The following MAP7 variants were observed in gnomAD, a reference collection of about 807,000 sequenced individuals.
MAP7 encodes ensconsin.
Under a neutral mutation model 94.8 loss-of-function variants are expected in MAP7, and 52 were observed. That is an observed-to-expected ratio of 0.55 (90% CI 0.44 to 0.69). The LOEUF is 0.69. Ranked by LOEUF, MAP7 falls within the 30% of genes least tolerant of loss-of-function variation. The probability of loss-of-function intolerance (pLI) is 0.00; values close to 1 mark genes in which losing one functional copy is unlikely to be tolerated. For missense variants in MAP7, 940 were observed against 964.6 expected, an observed-to-expected ratio of 0.97 and a Z score of 0.34; for synonymous variants, 350 against 357.0, an observed-to-expected ratio of 0.98 and a Z score of 0.22.
At chr6:136,349,721 C>T (rs1013966666) in intron 16 of MAP7, among the ~76,000 whole-genome samples, 15 of 152,162 alleles carry the variant, frequency 9.9e-5, no homozygotes, top group African/African-American at 3.4e-4. Context: ...ATTGTGATAA[C>T]TCAAACCCTC....
chr6:136,442,790 C>T (rs180886941), intron 1 of MAP7, among the ~76,000 whole-genome samples: 64 of 152,242 alleles, frequency 4.2e-4, no homozygotes, highest in African/African-American at 1.5e-3. Flanking sequence ...TTCAGCCATC[C>T]CCTAGACCAT....
chr6:136,429,722 A>G (rs1410101441), intron 1 of MAP7, among the ~76,000 whole-genome samples: 1 of 152,236 alleles, frequency 6.6e-6, no homozygotes, highest in East Asian at 1.9e-4. Context: ...GCTGACAGGA[A>G]TAAACATTAC....
intron 3 of MAP7, among the ~76,000 whole-genome samples, chr6:136,396,186 T>A (rs1782407116): frequency 6.6e-6 from 1 of 152,222 alleles, no homozygotes; most frequent in Admixed American, 6.5e-5. Flanking sequence ...TTCCAATTCA[T>A]GAACATGAGA....
chr6:136,537,780 A>T (rs1644071055), intron 1 of MAP7, among the ~76,000 whole-genome samples: 2 of 151,234 alleles, frequency 1.3e-5, no homozygotes, highest in African/African-American at 4.9e-5. Flanking sequence ...AGATTTACGA[A>T]GTTATGAATT....
At chr6:136,423,183 C>T (rs1298589630) in intron 1 of MAP7, among the ~76,000 whole-genome samples, 1 of 152,180 alleles carries the variant, frequency 6.6e-6, no homozygotes, top group African/African-American at 2.4e-5. Context: ...ACCCATAGCA[C>T]CCATGCAGGT....
At chr6:136,479,786 A>T (rs371028553) in intron 1 of MAP7, among the ~76,000 whole-genome samples, 1 of 152,190 alleles carries the variant, frequency 6.6e-6, no homozygotes, top group Non-Finnish European at 1.5e-5. Flanking sequence ...AATAAACTTA[A>T]CCAAAAAAGT....
chr6:136,494,473 A>C (rs1817617262), intron 1 of MAP7, among the ~76,000 whole-genome samples: 1 of 152,236 alleles, frequency 6.6e-6, no homozygotes, highest in Non-Finnish European at 1.5e-5. Flanking sequence ...ACTTGTGCAG[A>C]AAAATTCACT....
At position 136,365,729 on chromosome 6, in the gene MAP7, T is replaced by C; in HGVS notation, c.1273+6A>G. 6.2e-7 allele frequency: 1 copy of C among 1,612,810 alleles called. No homozygotes were observed. The highest frequency in any genetic ancestry group is 8.5e-7 in the Non-Finnish European group (1 of 1,179,188). ...GCACCCAGACCACAGGTGAGTTTGC[T>C]CTTACCAGGGCCAACTTCTGGTTCA... is the stretch of plus-strand genomic sequence containing the variant. On this transcript the variant is annotated splice_donor_region_variant and intron_variant, in intron 10 of 17. Transcript: ENST00000354570.
intron 1 of MAP7, among the ~76,000 whole-genome samples, chr6:136,466,007 G>C (rs1470137909): frequency 6.6e-6 from 1 of 151,976 alleles, no homozygotes; most frequent in Non-Finnish European, 1.5e-5. Context: ...TAAACTTCTA[G>C]AAAAGAAAAT....
chr6:136,344,445 C>T (rs1448499394), intron 17 of MAP7, among the ~76,000 whole-genome samples: 1 of 152,150 alleles, frequency 6.6e-6, no homozygotes, highest in Non-Finnish European at 1.5e-5. Flanking sequence ...CTTTTCTTTA[C>T]ATCAGCTTAG....
At chr6:136,394,058 A>C (rs1327006789) in intron 3 of MAP7, among the ~76,000 whole-genome samples, 1 of 141,048 alleles carries the variant, frequency 7.1e-6, no homozygotes, top group African/African-American at 2.7e-5. Context: ...ATCTTGGCTC[A>C]CTGCAACCTC....
intron 10 of MAP7, 77 bp downstream of exon 10, chr6:136,365,657 GA>G: frequency 6.8e-7 from 1 of 1,479,692 alleles, no homozygotes; most frequent in African/African-American, 1.4e-5. Context: ...AGAAGAAAAG[GA>G]AAACAAAAAA....
intron 2 of MAP7, chr6:136,420,242 G>C: frequency 3.0e-6 from 3 of 995,346 alleles, no homozygotes; most frequent in Non-Finnish European, 4.8e-6. Context: ...AAATCTGACA[G>C]GGCCGCGCCA....
intron 7 of MAP7, among the ~76,000 whole-genome samples, chr6:136,374,868 T>C (rs897645656): frequency 7.2e-5 from 11 of 152,218 alleles, no homozygotes; most frequent in African/African-American, 2.4e-4. Context: ...CTGAAAAACC[T>C]GAAATCTTCA....
intron 6 of MAP7, 25 bp downstream of exon 6, chr6:136,383,644 ACT>A: frequency 8.0e-7 from 1 of 1,251,216 alleles, no homozygotes; most frequent in Non-Finnish European, 1.1e-6. Flanking sequence ...AATAACAGAC[ACT>A]TTTTTGTTTT....
intron 1 of MAP7, among the ~76,000 whole-genome samples, chr6:136,426,353 G>A (rs767662333): frequency 6.6e-6 from 1 of 152,142 alleles, no homozygotes; most frequent in East Asian, 1.9e-4. Context: ...ACTGTGCTAC[G>A]CAGTGAGAAT....
chr6:136,416,678 C>T (rs6915850), intron 2 of MAP7, among the ~76,000 whole-genome samples: 128,631 of 152,032 alleles, frequency 0.85, 54,482 homozygotes, highest in Admixed American at 0.88. Context: ...CAGTGGTGCA[C>T]GCCTGTTATC....
At chr6:136,375,147 A>G (rs1444370894) in intron 7 of MAP7, among the ~76,000 whole-genome samples, 1 of 152,238 alleles carries the variant, frequency 6.6e-6, no homozygotes, top group Non-Finnish European at 1.5e-5. Context: ...AATGTAGCAT[A>G]GCAAAAAGAA....
At chr6:136,512,242 T>C (rs896663472) in intron 1 of MAP7, among the ~76,000 whole-genome samples, 1 of 152,230 alleles carries the variant, frequency 6.6e-6, no homozygotes, top group African/African-American at 2.4e-5. Flanking sequence ...AGTTATCTTA[T>C]GAGGAACCAG....
Sources: allele counts gnomAD v4.1 joint callset (sites outside exome capture counted in the v4.1 genomes callset), GRCh38; gene constraint gnomAD v4.1.1; transcripts MANE v1.5; gene names NCBI Gene and HGNC (gene_info 2026-07-23, HGNC 2026-07-21).